CLCN5: variants seen among roughly 807,000 people sequenced by gnomAD.
CLCN5 encodes the protein H(+)/Cl(-) exchange transporter 5.
Under a neutral mutation model 54.0 loss-of-function variants are expected in CLCN5, and 17 were observed. The ratio of observed to expected loss-of-function variants is 0.31; its 90% CI spans 0.22 to 0.47. The LOEUF is 0.47. CLCN5 is among the 20% of genes least tolerant of loss of function. CLCN5 has a pLI of 1.00. For synonymous variants in CLCN5, 222 were observed against 233.0 expected, an observed-to-expected ratio of 0.95 and a Z score of 0.43; for missense variants, 448 against 646.7, an observed-to-expected ratio of 0.69 and a Z score of 3.33.
chrX:49,973,873 G>T (rs1356751360), intron 3 of CLCN5, among the ~76,000 whole-genome samples: 1 of 111,213 alleles, frequency 9.0e-6, no homozygotes, highest in Non-Finnish European at 1.9e-5. Flanking sequence ...CAGAACATTT[G>T]TATCTTACCA....
intron 3 of CLCN5, among the ~76,000 whole-genome samples, chrX:49,958,669 G>A (rs1927451333): frequency 1.8e-5 from 2 of 111,183 alleles, no homozygotes; most frequent in African/African-American, 6.5e-5. Context: ...CTCTCAATCA[G>A]GACAGTAGGT....
chrX:50,072,980 A>G (rs1424531398), intron 6 of CLCN5, among the ~76,000 whole-genome samples: 1 of 110,008 alleles, frequency 9.1e-6, no homozygotes, highest in African/African-American at 3.3e-5. Flanking sequence ...TTTCTTAAAC[A>G]TCTACTCTCT....
chrX:50,080,678 G>C lies in CLCN5; in HGVS notation c.688G>C (p.Val230Leu). 8.3e-7 allele frequency: 1 copy of C among 1,206,178 alleles called. No homozygotes were observed. The change falls in exon 8 of 15, where the codon GTG (valine) becomes CTG (leucine). Residue 230 changes from valine (V) to leucine (L), a missense_variant. Val to Leu is a conservative substitution (Grantham distance 32). This residue lies in a region of CLCN5 where 40 missense variants were observed against 27.8 expected (regional missense o/e 1.44). Coordinates refer to ENST00000376091, the MANE Select transcript of CLCN5 (RefSeq NM_001127898.4). ...CTTCCTTGCCGTATCTCTTGTCAAG[G>C]TGTTTGCGCCTTATGCCTGTGGCTC... is the stretch of plus-strand genomic sequence containing the variant. ...FAFLAVSLVKVFAPYACGSGI... is the reference protein window; with the variant it reads ...FAFLAVSLVKLFAPYACGSGI...
chrX:49,952,499 G>GA (rs1927084493), intron 3 of CLCN5, among the ~76,000 whole-genome samples: 3 of 105,864 alleles, frequency 2.8e-5, no homozygotes, highest in East Asian at 5.9e-4. Flanking sequence ...TTCCAGGTGG[G>GA]TTTTTTTTTT....
intron 3 of CLCN5, among the ~76,000 whole-genome samples, chrX:49,995,531 G>A (rs1400573400): frequency 2.7e-5 from 3 of 111,759 alleles, no homozygotes; most frequent in African/African-American, 9.8e-5. Context: ...ATGTGAGCGA[G>A]TCATAGCAGA....
intron 3 of CLCN5, among the ~76,000 whole-genome samples, chrX:49,935,291 A>T (rs782002157): frequency 8.9e-6 from 1 of 112,064 alleles, no homozygotes; most frequent in East Asian, 2.8e-4. Context: ...TCTTTCAGCC[A>T]TGAGCTTTTC....
chrX:49,992,366 C>T (rs1382284780), intron 3 of CLCN5, among the ~76,000 whole-genome samples: 1 of 109,905 alleles, frequency 9.1e-6, no homozygotes, highest in Non-Finnish European at 1.9e-5. Flanking sequence ...ACACAACTCT[C>T]ATAAAGTACC....
intron 3 of CLCN5, among the ~76,000 whole-genome samples, chrX:49,957,499 T>C (rs1927389700): frequency 8.9e-6 from 1 of 111,966 alleles, no homozygotes; most frequent in Non-Finnish European, 1.9e-5. Context: ...TATGTTGCAT[T>C]CTGGGGATAC....
intron 3 of CLCN5, among the ~76,000 whole-genome samples, chrX:50,039,414 C>A (rs1289626212): frequency 1.8e-5 from 2 of 111,824 alleles, no homozygotes; most frequent in Non-Finnish European, 3.8e-5. Context: ...GTGAAATAGG[C>A]CCTTATATTG....
chrX:50,064,886 A>C (rs1932942126), intron 4 of CLCN5, among the ~76,000 whole-genome samples: 1 of 107,877 alleles, frequency 9.3e-6, no homozygotes, highest in Admixed American at 9.7e-5. Context: ...TCTTTGACAA[A>C]CCTGACAAAA....
At chrX:50,060,189 GCTCC>G (rs1380199700) in intron 4 of CLCN5, among the ~76,000 whole-genome samples, 1 of 110,496 alleles carries the variant, frequency 9.1e-6, no homozygotes, top group Admixed American at 9.7e-5. Flanking sequence ...CCGGTCTACA[GCTCC>G]CAGCGTGAGC....
chrX:49,926,185 G>A (rs1443597945), intron 3 of CLCN5, among the ~76,000 whole-genome samples: 2 of 112,287 alleles, frequency 1.8e-5, no homozygotes, highest in Admixed American at 9.4e-5. Context: ...TGTGTTGGTT[G>A]TGACTTTATG....
intron 4 of CLCN5, among the ~76,000 whole-genome samples, chrX:50,066,934 A>T (rs782017794): frequency 7.8e-5 from 8 of 102,127 alleles, no homozygotes; most frequent in Non-Finnish European, 1.1e-4. Flanking sequence ...AGCATAAAAC[A>T]TGTGTACAGT....
intron 3 of CLCN5, among the ~76,000 whole-genome samples, chrX:49,955,020 A>T (rs929126753): frequency 9.1e-6 from 1 of 110,304 alleles, no homozygotes; most frequent in Non-Finnish European, 1.9e-5. Context: ...TTTTTTTTAG[A>T]CAGATAGACC....
chrX:50,072,420 T>C (rs1187189433), intron 5 of CLCN5, 69 bp from the exon 6 acceptor site: 15 of 746,444 alleles, frequency 2.0e-5, no homozygotes, highest in Non-Finnish European at 1.3e-5. Context: ...TGTATTTCTT[T>C]GTTGAACAGT....
intron 4 of CLCN5, among the ~76,000 whole-genome samples, chrX:50,043,857 T>C (rs2147480255): frequency 8.9e-6 from 1 of 112,326 alleles, no homozygotes; most frequent in South Asian, 3.7e-4. Flanking sequence ...ATTACATTTG[T>C]ATAATTACTT....
At chrX:49,925,362 A>G (rs781883996) in intron 3 of CLCN5, 48 bp downstream of exon 3, 1 of 1,146,566 alleles carries the variant, frequency 8.7e-7, no homozygotes, top group Non-Finnish European at 1.2e-6. Flanking sequence ...CTCCTACTCT[A>G]TTCTCTACCC....
chrX:50,031,254 C>G (rs999381773), intron 3 of CLCN5, among the ~76,000 whole-genome samples: 27 of 112,053 alleles, frequency 2.4e-4, no homozygotes, highest in Non-Finnish European at 4.3e-4. Context: ...TTCAAACAAT[C>G]TCTCTCTATA....
chrX:50,069,068 G>A (rs989137595), intron 4 of CLCN5, among the ~76,000 whole-genome samples: 23 of 111,934 alleles, frequency 2.1e-4, no homozygotes, highest in African/African-American at 6.8e-4. Flanking sequence ...ATATGTGCTA[G>A]ACACTGTAGA....
Sources: gnomAD v4.1 joint callset for allele counts (sites outside exome capture counted in the v4.1 genomes callset) on GRCh38, gnomAD v4.1.1 for gene constraint, gnomAD v4.1.1 regional missense constraint, MANE v1.5 for transcripts, NCBI Gene and HGNC (gene_info 2026-07-23, HGNC 2026-07-21) for gene names.